CACNA1E: variants seen among roughly 807,000 people sequenced by gnomAD.
CACNA1E encodes voltage-dependent R-type calcium channel subunit alpha-1E.
CACNA1E carries 40 observed loss-of-function variants against 259.2 expected under a neutral mutation model. The ratio of observed to expected loss-of-function variants is 0.15; its 90% confidence interval spans 0.12 to 0.20. The LOEUF is 0.20. Ranked by LOEUF, CACNA1E falls within the 10% of genes least tolerant of loss-of-function variation. The pLI, the probability that CACNA1E is intolerant of heterozygous loss-of-function variation, is 1.00. For missense variants in CACNA1E, 1,874 were observed against 3,040.1 expected (o/e 0.62, Z 9.02); for synonymous variants, 1,104 against 1,138.5 (o/e 0.97, Z 0.61).
At chr1:181,744,012 C>T (rs1656833313) in intron 25 of CACNA1E, among the ~76,000 whole-genome samples, 1 of 152,222 alleles carries the variant, frequency 6.6e-6, no homozygotes, top group African/African-American at 2.4e-5. Context: ...GGGGTGAGGT[C>T]AGGACTCCCT....
chr1:181,385,186 G>T (rs887519878), intron 1 of CACNA1E, among the ~76,000 whole-genome samples: 1 of 152,172 alleles, frequency 6.6e-6, no homozygotes, highest in Non-Finnish European at 1.5e-5. Context: ...ATAAATTCTA[G>T]ACTCTTACCT....
intron 3 of CACNA1E, among the ~76,000 whole-genome samples, chr1:181,567,606 C>G: frequency 6.6e-6 from 1 of 152,178 alleles, no homozygotes; most frequent in Non-Finnish European, 1.5e-5. Flanking sequence ...GTTGTTGCTT[C>G]AGGTAGCATA....
intron 34 of CACNA1E, among the ~76,000 whole-genome samples, chr1:181,765,930 A>C (rs1187191116): frequency 6.6e-6 from 1 of 152,128 alleles, no homozygotes; most frequent in Non-Finnish European, 1.5e-5. Flanking sequence ...TTTGTGCCAC[A>C]TGGCTTCATG....
intron 6 of CACNA1E, among the ~76,000 whole-genome samples, chr1:181,608,612 T>C (rs894828907): frequency 6.6e-5 from 10 of 152,172 alleles, no homozygotes; most frequent in Non-Finnish European, 8.8e-5. Flanking sequence ...ACAAGAACCA[T>C]TGGGAATGGA....
chr1:181,700,359 C>T (rs1170202644), intron 7 of CACNA1E, among the ~76,000 whole-genome samples: 2 of 152,154 alleles, frequency 1.3e-5, no homozygotes, highest in African/African-American at 4.8e-5. Flanking sequence ...CCCTCCACTC[C>T]ATTCTCTCCT....
chr1:181,426,773 A>G (rs1488346338), intron 2 of CACNA1E, among the ~76,000 whole-genome samples: 1 of 139,042 alleles, frequency 7.2e-6, no homozygotes, highest in African/African-American at 2.7e-5. Flanking sequence ...GTCAATCTCA[A>G]CCCCTTCACA....
chr1:181,449,099 G>A (rs1255217830), intron 2 of CACNA1E, among the ~76,000 whole-genome samples: 1 of 152,230 alleles, frequency 6.6e-6, no homozygotes, highest in East Asian at 1.9e-4. Context: ...GCCACATCTG[G>A]AGGCCTCCCA....
intron 28 of CACNA1E, 65 bp from the exon 29 acceptor site, chr1:181,755,891 T>A: frequency 1.3e-6 from 2 of 1,522,658 alleles, no homozygotes; most frequent in African/African-American, 1.4e-5. Context: ...CTGTAGAATG[T>A]GCTGACTCTT....
chr1:181,556,854 G>A (rs1038017613), intron 3 of CACNA1E, among the ~76,000 whole-genome samples: 3 of 152,206 alleles, frequency 2.0e-5, no homozygotes, highest in African/African-American at 4.8e-5. Context: ...GGTGTGAAAT[G>A]TGGGTTTGGA....
intron 7 of CACNA1E, among the ~76,000 whole-genome samples, chr1:181,696,566 A>G (rs1434624901): frequency 6.6e-6 from 1 of 152,186 alleles, no homozygotes; most frequent in Non-Finnish European, 1.5e-5. Context: ...AAAGGAGTAG[A>G]TTAAACCTGT....
chr1:181,734,970 G>A (rs547479889), intron 21 of CACNA1E, among the ~76,000 whole-genome samples: 49 of 152,256 alleles, frequency 3.2e-4, no homozygotes, highest in African/African-American at 1.1e-3. Context: ...CTGCTGCCCC[G>A]TGATCACTGA....
chr1:181,486,103 G>A (rs1663790441), intron 1 of CACNA1E, among the ~76,000 whole-genome samples: 1 of 152,258 alleles, frequency 6.6e-6, no homozygotes, highest in African/African-American at 2.4e-5. Flanking sequence ...TTTCCACCAG[G>A]CGTTGCGAGC....
chr1:181,737,545 A>G lies in CACNA1E; in HGVS notation c.3443A>G (p.Tyr1148Cys). ...TTNPIRRACH[Y>C]IVNLRYFEMC... Reference sequence around the variant, plus strand: ...CGCAGGATCCGGAGGGCCTGCCACTACATCGTGAACCTGCGCTACTTTGAG... The same window carrying G: ...CGCAGGATCCGGAGGGCCTGCCACTGCATCGTGAACCTGCGCTACTTTGAG... The change falls in exon 23 of 48, where the codon TAC becomes TGC. Residue 1148 changes from tyrosine to cysteine, a missense_variant. Physicochemically the swap from Tyr to Cys is radical, Grantham distance 194 (BLOSUM62 -2). Coordinates refer to ENST00000367573, the MANE Select transcript of CACNA1E (RefSeq NM_001205293.3). 6.2e-7 allele frequency: 1 copy of G among 1,613,954 alleles called. No homozygotes were observed. The highest frequency in any genetic ancestry group is 8.5e-7 in the Non-Finnish European group (1 of 1,179,842).
chr1:181,368,824 C>G (rs1654479188), intron 1 of CACNA1E, among the ~76,000 whole-genome samples: 1 of 152,308 alleles, frequency 6.6e-6, no homozygotes, highest in South Asian at 2.1e-4. Context: ...AATGAAGTAT[C>G]TTGGAGGCAG....
At chr1:181,731,150 G>A (rs1248391715) in intron 18 of CACNA1E, 25 bp from the exon 19 acceptor site, 1 of 1,607,710 alleles carries the variant, frequency 6.2e-7, no homozygotes, top group South Asian at 1.1e-5. Context: ...GGGGTGAACT[G>A]AACCTGTCCA....
chr1:181,738,596 C>T (rs1346659108), intron 24 of CACNA1E, among the ~76,000 whole-genome samples, 170 bp downstream of exon 24: 1 of 152,134 alleles, frequency 6.6e-6, no homozygotes, highest in Non-Finnish European at 1.5e-5. Context: ...TCTGTCTCAG[C>T]AAGACACGGC....
At chr1:181,740,588 G>A (rs1341788609) in intron 25 of CACNA1E, among the ~76,000 whole-genome samples, 2 of 152,182 alleles carry the variant, frequency 1.3e-5, no homozygotes, top group Admixed American at 6.5e-5. Context: ...TGTGCTAGGA[G>A]TGTAGGATCT....
intron 6 of CACNA1E, among the ~76,000 whole-genome samples, chr1:181,583,486 C>CTAACTT (rs1357365422): frequency 2.6e-5 from 4 of 152,150 alleles, no homozygotes; most frequent in African/African-American, 7.2e-5. Flanking sequence ...TACATCCAAA[C>CTAACTT]CAGTAGGAGA....
chr1:181,447,226 T>C (rs1490260035), intron 2 of CACNA1E, among the ~76,000 whole-genome samples: 1 of 152,184 alleles, frequency 6.6e-6, no homozygotes, highest in Non-Finnish European at 1.5e-5. Flanking sequence ...AATAGAACTG[T>C]ATTTAAAAGT....
Sources: gnomAD v4.1 joint callset for allele counts (sites outside exome capture counted in the v4.1 genomes callset) on GRCh38, gnomAD v4.1.1 for gene constraint, MANE v1.5 for transcripts, NCBI Gene and HGNC (gene_info 2026-07-23, HGNC 2026-07-21) for gene names.